The following EIF4E3 variants were observed in gnomAD, a reference collection of about 807,000 sequenced individuals.
EIF4E3 encodes the protein eukaryotic translation initiation factor 4E family member 3.
EIF4E3 carries 26 observed loss-of-function variants against 31.7 expected under a neutral mutation model. The ratio of observed to expected loss-of-function variants is 0.82; its 90% confidence interval spans 0.60 to 1.14. The LOEUF (loss-of-function observed/expected upper bound fraction) is 1.14, where lower values mean the gene tolerates loss of function less well. EIF4E3 is among the 50% of genes most tolerant of loss of function. The pLI, the probability that EIF4E3 is intolerant of heterozygous loss-of-function variation, is 0.00. For missense variants in EIF4E3, 304 were observed against 270.9 expected, an observed-to-expected ratio of 1.12 and a Z score of -0.86; for synonymous variants, 128 against 107.7, an observed-to-expected ratio of 1.19 and a Z score of -1.17.
chr3:71,737,332 G>C (rs1399034565), intron 1 of EIF4E3, among the ~76,000 whole-genome samples: 1 of 152,204 alleles, frequency 6.6e-6, no homozygotes, highest in Non-Finnish European at 1.5e-5. Flanking sequence ...GAGCACTGTG[G>C]CAGAAGGTGC....
chr3:71,724,862 C>T (rs1459420418), intron 1 of EIF4E3, among the ~76,000 whole-genome samples: 1 of 152,234 alleles, frequency 6.6e-6, no homozygotes. Flanking sequence ...GCGGCCACCC[C>T]CAGCTCGCCT....
At chr3:71,721,921 G>A (rs1287239584) in intron 1 of EIF4E3, among the ~76,000 whole-genome samples, 13 of 152,242 alleles carry the variant, frequency 8.5e-5, no homozygotes. Flanking sequence ...CAAGCAGTAG[G>A]GGGTGTCAGT....
At chr3:71,659,885 T>C in the EIF4E3 span, among the ~76,000 whole-genome samples, 1 of 152,178 alleles carries the variant, frequency 6.6e-6, no homozygotes, top group African/African-American at 2.4e-5. Flanking sequence ...AAGAGGCAGG[T>C]ACATTACTGG....
chr3:71,672,005 G>A (rs932877410), downstream of EIF4E3, among the ~76,000 whole-genome samples: 3 of 152,138 alleles, frequency 2.0e-5, no homozygotes, highest in East Asian at 3.9e-4. Flanking sequence ...GAAATCCTGC[G>A]CTCCCCGATT....
At chr3:71,712,681 A>G (rs2049398772) in intron 1 of EIF4E3, among the ~76,000 whole-genome samples, 1 of 151,560 alleles carries the variant, frequency 6.6e-6, no homozygotes, top group African/African-American at 2.4e-5. Flanking sequence ...TATACTTTGC[A>G]TTCTTTTTTC....
At chr3:71,715,524 T>A (rs2049451605) in intron 1 of EIF4E3, among the ~76,000 whole-genome samples, 3 of 152,202 alleles carry the variant, frequency 2.0e-5, no homozygotes, top group African/African-American at 7.2e-5. Context: ...GGGAGGAACA[T>A]ACATGCTGAT....
Position 71,690,297 on chromosome 3 carries a change from T to A in EIF4E3, c.473-132A>T, listed in dbSNP as rs899098049. 3.9e-6 allele frequency: 4 copies of A among 1,038,566 alleles called. No homozygotes were observed. In the African/African-American group the frequency reaches 6.6e-5, roughly 17 times the overall value. 64.3% of individuals were successfully genotyped at this position (1,038,566 alleles called of 1,614,324 possible). A position where few individuals can be genotyped will look rare whatever the true frequency, so the allele number is the denominator to read the frequency against. On this transcript the variant is annotated intron_variant, in intron 5 of 6. Transcript: ENST00000425534. ...AAAGAAGGTGGCACAAGATAACTTG[T>A]AAGAAATAATTGTTTCTATGGGGAA...
intron 3 of EIF4E3, among the ~76,000 whole-genome samples, chr3:71,697,260 A>G (rs1252926180): frequency 6.6e-6 from 1 of 152,060 alleles, no homozygotes; most frequent in Non-Finnish European, 1.5e-5. Context: ...GCCTCAAGCA[A>G]TCCTCCCACC....
At chr3:71,690,254 T>G in intron 5 of EIF4E3, 89 bp from the exon 6 acceptor site, 1 of 1,390,408 alleles carries the variant, frequency 7.2e-7, no homozygotes, top group Non-Finnish European at 9.5e-7. Context: ...TATCTGAAAA[T>G]TAAGGATAAG....
intron 2 of EIF4E3, among the ~76,000 whole-genome samples, chr3:71,701,208 T>A (rs1351309145): frequency 6.6e-6 from 1 of 152,162 alleles, no homozygotes; most frequent in Admixed American, 6.5e-5. Flanking sequence ...TATACAAAAA[T>A]AATAAAGTAA....
chr3:71,752,834 C>T (rs2049946296), intron 1 of EIF4E3, among the ~76,000 whole-genome samples: 1 of 152,162 alleles, frequency 6.6e-6, no homozygotes, highest in Admixed American at 6.5e-5. Flanking sequence ...TGGGGCTGGT[C>T]CAGGCAGAGG....
At chr3:71,671,281 T>C (rs2048845892), downstream of EIF4E3, among the ~76,000 whole-genome samples, 1 of 151,894 alleles carries the variant, frequency 6.6e-6, no homozygotes, top group Admixed American at 6.6e-5. Flanking sequence ...GGGCCTTGGC[T>C]CACCCTCAGA....
At chr3:71,745,891 G>A (rs899556133) in intron 1 of EIF4E3, among the ~76,000 whole-genome samples, 12 of 152,136 alleles carry the variant, frequency 7.9e-5, no homozygotes, top group African/African-American at 2.9e-4. Context: ...AACCATTATA[G>A]AAATATCAAT....
rs1389201342 is a variant in EIF4E3, at chr3:71,682,872, G to C, written c.*1810C>G. On this transcript the variant is annotated 3_prime_UTR_variant, in exon 7 of 7. Transcript: ENST00000425534. ...CTTATGGAAATATACATGACAATTA[G>C]AGTGAAGTCAATTATATCCTTTTTT... 1 of 152,502 alleles carries C rather than the reference G, an allele frequency of 6.6e-6. No homozygotes were observed. Among genetic ancestry groups the C allele is most frequent in the African/African-American group, 2.4e-5 (1 of 41,418 alleles). The allele number at this position is 152,502 out of a possible 1,614,324, so 9.4% of individuals were successfully genotyped here.
intron 1 of EIF4E3, among the ~76,000 whole-genome samples, chr3:71,715,616 T>G (rs1387958926): frequency 6.6e-6 from 1 of 152,190 alleles, no homozygotes; most frequent in Non-Finnish European, 1.5e-5. Flanking sequence ...TTCGGAATTT[T>G]CTGAATCACA....
chr3:71,704,392 G>A (rs773284599), intron 2 of EIF4E3, among the ~76,000 whole-genome samples: 1 of 152,226 alleles, frequency 6.6e-6, no homozygotes, highest in East Asian at 1.9e-4. Context: ...AAGACTCCCA[G>A]AAAAGGCCCT....
At chr3:71,673,609 T>C (rs2048857364), downstream of EIF4E3, among the ~76,000 whole-genome samples, 1 of 152,030 alleles carries the variant, frequency 6.6e-6, no homozygotes, top group Non-Finnish European at 1.5e-5. Context: ...AAACATGCAT[T>C]GCATTCATAC....
rs2048963530 is a variant in EIF4E3 at position 71,684,477 on chromosome 3, A to G, written c.*205T>C. On this transcript the variant is annotated 3_prime_UTR_variant, in exon 7 of 7. Coordinates refer to ENST00000425534, the MANE Select transcript of EIF4E3 (RefSeq NM_001134651.2). ...TTTTTTGTGTGTGTTTTTTTTAAAAAGCAAGTAATGTGACGGTAGAAACCC... is the reference window on the plus strand; with the variant it reads ...TTTTTTGTGTGTGTTTTTTTTAAAAGGCAAGTAATGTGACGGTAGAAACCC... 1.4e-5 allele frequency: 6 copies of G among 420,326 alleles called. No homozygotes were observed. The highest frequency in any genetic ancestry group is 2.1e-5 in the Non-Finnish European group (5 of 240,978). 26.0% of individuals were successfully genotyped at this position (420,326 alleles called of 1,614,324 possible).
At chr3:71,729,802 G>A (rs1315640835), upstream of EIF4E3, among the ~76,000 whole-genome samples, 1 of 110,292 alleles carries the variant, frequency 9.1e-6, no homozygotes, top group Non-Finnish European at 1.9e-5. Context: ...AATAGAATGT[G>A]TGTGTGTGTG....
Sources: gnomAD v4.1 joint callset for allele counts (sites outside exome capture counted in the v4.1 genomes callset) on GRCh38, gnomAD v4.1.1 for gene constraint, MANE v1.5 for transcripts, NCBI Gene and HGNC (gene_info 2026-07-23, HGNC 2026-07-21) for gene names.